Variants in CEP162 observed in about 807,000 individuals in gnomAD.
The protein encoded by CEP162 is centrosomal protein 162.
Under a neutral mutation model 169.2 loss-of-function variants are expected in CEP162, and 141 were observed. That is an observed-to-expected ratio of 0.83 (90% CI 0.73 to 0.96). The LOEUF (loss-of-function observed/expected upper bound fraction) is 0.96, where lower values mean the gene tolerates loss of function less well. Ranked by LOEUF, CEP162 falls within the 40% of genes least tolerant of loss-of-function variation. The pLI, the probability that CEP162 is intolerant of heterozygous loss-of-function variation, is 0.00. For missense variants in CEP162, 1,600 were observed against 1,587.2 expected (o/e 1.01, Z -0.14); for synonymous variants, 540 against 526.4 (o/e 1.03, Z -0.35).
At chr6:84,147,237 C>T (rs1006653646) in intron 24 of CEP162, among the ~76,000 whole-genome samples, 1 of 151,844 alleles carries the variant, frequency 6.6e-6, no homozygotes, top group Non-Finnish European at 1.5e-5. Flanking sequence ...AAGCTAGGCA[C>T]AGAAAAATAC....
chr6:84,147,790 TA>T (rs2099519587), intron 24 of CEP162, among the ~76,000 whole-genome samples: 1 of 152,156 alleles, frequency 6.6e-6, no homozygotes, highest in African/African-American at 2.4e-5. Context: ...GGCTTAAATA[TA>T]ACATAAGCCT....
At chr6:84,225,323 T>A (rs2127760814) in intron 2 of CEP162, among the ~76,000 whole-genome samples, 1 of 152,284 alleles carries the variant, frequency 6.6e-6, no homozygotes, top group Non-Finnish European at 1.5e-5. Flanking sequence ...ACAAAGCTGT[T>A]CAGCATGTAC....
At chr6:84,185,921 A>C (rs972687177) in intron 12 of CEP162, among the ~76,000 whole-genome samples, 2 of 152,154 alleles carry the variant, frequency 1.3e-5, no homozygotes, top group African/African-American at 4.8e-5. Context: ...TCAAGAATAC[A>C]GGAAAAATAA....
intron 25 of CEP162, among the ~76,000 whole-genome samples, chr6:84,131,745 G>T (rs1322862756): frequency 6.6e-6 from 1 of 151,986 alleles, no homozygotes. Context: ...GTCTCCACAT[G>T]AGATGGGTCT....
At chr6:84,156,875 T>G (rs1405795371) in intron 21 of CEP162, among the ~76,000 whole-genome samples, 1 of 151,744 alleles carries the variant, frequency 6.6e-6, no homozygotes, top group Non-Finnish European at 1.5e-5. Flanking sequence ...AAAGTAAAAC[T>G]CCACATGTTC....
At chr6:84,197,267 G>A (rs1292089871) in intron 9 of CEP162, among the ~76,000 whole-genome samples, 1 of 151,886 alleles carries the variant, frequency 6.6e-6, no homozygotes, top group South Asian at 2.1e-4. Flanking sequence ...AAAAAAGGAG[G>A]TAGGAGAGGC....
intron 3 of CEP162, among the ~76,000 whole-genome samples, chr6:84,220,790 A>G (rs923133749): frequency 4.6e-5 from 7 of 152,194 alleles, no homozygotes; most frequent in African/African-American, 1.7e-4. Flanking sequence ...TAAACATGAT[A>G]ATAAATATAC....
intron 6 of CEP162, among the ~76,000 whole-genome samples, chr6:84,204,328 G>C (rs1323797501): frequency 1.3e-5 from 2 of 152,114 alleles, no homozygotes; most frequent in Admixed American, 6.5e-5. Flanking sequence ...ATAGTTGCAA[G>C]TAAAGCACTC....
intron 25 of CEP162, among the ~76,000 whole-genome samples, chr6:84,145,285 C>T (rs1204227816): frequency 3.3e-5 from 5 of 152,178 alleles, no homozygotes; most frequent in East Asian, 3.9e-4. Context: ...CTTTGGCATG[C>T]GTTTCTAGCC....
rs1301249021 is a variant in CEP162 at position 84,161,032 on chromosome 6, G to C, written c.2677-116C>G. 4 of 721,920 alleles carry C rather than the reference G, an allele frequency of 5.5e-6. No homozygotes were observed. In the African/African-American group the frequency reaches 7.0e-5, roughly 13 times the overall value. 44.7% of individuals were successfully genotyped at this position (721,920 alleles called of 1,614,324 possible). On this transcript the variant is annotated intron_variant, in intron 20 of 26. Transcript: ENST00000403245. ...TTTATTAATTCCTCAGCAAAATTTGGGGAATTAATTCCTCAAATTCTTTGA... is the reference window on the plus strand; with the variant it reads ...TTTATTAATTCCTCAGCAAAATTTGCGGAATTAATTCCTCAAATTCTTTGA...
chr6:84,185,233 G>C lies in CEP162; in HGVS notation c.1617C>G (p.Ser539Arg). 6.2e-7 allele frequency: 1 copy of C among 1,612,990 alleles called. No individual in the cohort carries two copies. The highest frequency in any genetic ancestry group is 1.1e-5 in the South Asian group (1 of 91,034). The change falls in exon 13 of 27, where the codon AGC (serine) becomes AGG (arginine). Residue 539 changes from serine (S) to arginine (R), a missense_variant. Physicochemically the swap from Ser to Arg is moderately radical, Grantham distance 110. Coordinates refer to ENST00000403245, the MANE Select transcript of CEP162 (RefSeq NM_014895.4). ...EKKTSEDIIK[S>R]KNLRSISTSN... Reference sequence around the variant, plus strand: ...AGGTAGAAATCGATCTCAAGTTTTTGCTTTTTATAATGTCCTCTGAAGTTT... The same window carrying C: ...AGGTAGAAATCGATCTCAAGTTTTTCCTTTTTATAATGTCCTCTGAAGTTT...
At chr6:84,194,111 T>C (rs762320641) in intron 10 of CEP162, among the ~76,000 whole-genome samples, 1 of 152,222 alleles carries the variant, frequency 6.6e-6, no homozygotes, top group African/African-American at 2.4e-5. Flanking sequence ...TCTCAGCACT[T>C]TGGGAGGCCA....
chr6:84,150,078 C>T (rs1026869553), intron 23 of CEP162, among the ~76,000 whole-genome samples: 12 of 152,112 alleles, frequency 7.9e-5, no homozygotes, highest in Admixed American at 6.6e-4. Context: ...CACAGCTGTT[C>T]CCTTTAGAAT....
chr6:84,131,641 C>G (rs2099511481), intron 25 of CEP162, among the ~76,000 whole-genome samples: 1 of 151,494 alleles, frequency 6.6e-6, no homozygotes, highest in Non-Finnish European at 1.5e-5. Flanking sequence ...TCTTTTTTAT[C>G]AGAGACTAGG....
intron 22 of CEP162, among the ~76,000 whole-genome samples, chr6:84,154,743 T>G (rs553796489): frequency 8.5e-4 from 129 of 152,318 alleles, no homozygotes; most frequent in African/African-American, 3.0e-3. Flanking sequence ...ATAACTGTTA[T>G]TTGTCTACAA....
At chr6:84,164,938 T>A (rs975109445) in intron 18 of CEP162, among the ~76,000 whole-genome samples, 1 of 152,146 alleles carries the variant, frequency 6.6e-6, no homozygotes, top group Non-Finnish European at 1.5e-5. Context: ...GTCCTTACCA[T>A]GACCTTTAGT....
At chr6:84,141,428 C>A (rs1431163775) in intron 25 of CEP162, among the ~76,000 whole-genome samples, 1 of 152,032 alleles carries the variant, frequency 6.6e-6, no homozygotes, top group East Asian at 1.9e-4. Flanking sequence ...GCTATAAATT[C>A]CTCCTTACCT....
chr6:84,203,693 C>T (rs953451433), intron 7 of CEP162, among the ~76,000 whole-genome samples: 2 of 152,116 alleles, frequency 1.3e-5, no homozygotes, highest in African/African-American at 4.8e-5. Flanking sequence ...CTCGAACAGT[C>T]CTCCTGCCTC....
rs147892832 is a variant in CEP162 at position 84,209,242 on chromosome 6, T to G, written c.571+3715A>C. Among the ~76,000 whole-genome samples, 6 of 152,336 alleles carry G rather than the reference T, an allele frequency of 3.9e-5. No individual in the cohort carries two copies. In the South Asian group the frequency reaches 8.3e-4, roughly 21 times the overall value. ...TCTGTAAATTGGGGATAATAGTACT[T>G]TTCTCAAAAGATTAATGAGATGATT... is the stretch of plus-strand genomic sequence containing the variant. On this transcript the variant is annotated intron_variant, in intron 6 of 26. Coordinates refer to ENST00000403245, the MANE Select transcript of CEP162 (RefSeq NM_014895.4).
Sources: allele counts gnomAD v4.1 joint callset (sites outside exome capture counted in the v4.1 genomes callset), GRCh38; gene constraint gnomAD v4.1.1; transcripts MANE v1.5; gene names NCBI Gene and HGNC (gene_info 2026-07-23, HGNC 2026-07-21).